The following SPAG9 variants were observed in gnomAD, a reference collection of about 807,000 sequenced individuals.
SPAG9 encodes sperm associated antigen 9.
Under a neutral mutation model 166.5 loss-of-function variants are expected in SPAG9, and 35 were observed. The observed-to-expected ratio is 0.21, with a 90% CI of 0.16 to 0.28. The LOEUF (loss-of-function observed/expected upper bound fraction) is 0.28. Among genes scored for constraint, SPAG9 ranks in the 10% least tolerant of loss-of-function variants. The probability of loss-of-function intolerance (pLI) is 1.00; values close to 1 mark genes in which losing one functional copy is unlikely to be tolerated. For missense variants in SPAG9, 1,235 were observed against 1,603.3 expected, an observed-to-expected ratio of 0.77 and a Z score of 3.92; for synonymous variants, 534 against 565.5, an observed-to-expected ratio of 0.94 and a Z score of 0.79.
chr17:51,053,907 T>C (rs1337180440), intron 3 of SPAG9, among the ~76,000 whole-genome samples: 1 of 99,352 alleles, frequency 1.0e-5, no homozygotes, highest in Non-Finnish European at 2.1e-5. Flanking sequence ...ATAAAACATA[T>C]ATGTATTTAT....
intron 1 of SPAG9, among the ~76,000 whole-genome samples, chr17:51,083,365 G>A (rs1191945399): frequency 6.6e-6 from 1 of 151,108 alleles, no homozygotes; most frequent in African/African-American, 2.4e-5. Flanking sequence ...TTCCCGCACA[G>A]CTGGGATTAC....
At chr17:50,974,278 G>A (rs930617554) in intron 28 of SPAG9, among the ~76,000 whole-genome samples, 6 of 152,262 alleles carry the variant, frequency 3.9e-5, no homozygotes, top group Admixed American at 1.3e-4. Flanking sequence ...CATCCACCTA[G>A]GAGTGAGGAA....
chr17:50,975,792 A>C (rs1974165675), intron 27 of SPAG9: 1 of 1,095,958 alleles, frequency 9.1e-7, no homozygotes, highest in South Asian at 1.3e-5. Flanking sequence ...GGTATTCTAG[A>C]GGAGTGGTAA....
At chr17:50,996,225 A>G in intron 16 of SPAG9, 1 of 211,720 alleles carries the variant, frequency 4.7e-6, no homozygotes. Context: ...TTCCATGCCA[A>G]TAATTTTTTC....
At chr17:51,118,572 C>T (rs1383605033) in intron 1 of SPAG9, among the ~76,000 whole-genome samples, 1 of 152,204 alleles carries the variant, frequency 6.6e-6, no homozygotes, top group African/African-American at 2.4e-5. Flanking sequence ...GGTTAATTCC[C>T]AGTCACTTCC....
rs2049456219 is a variant in SPAG9, at chr17:51,120,763, G to C, written c.-107C>G. The C allele has an allele frequency of 1.0e-6, 1 of 1,000,014 alleles. No homozygotes were observed. The highest frequency in any genetic ancestry group is 1.7e-5 in the African/African-American group (1 of 57,940). The allele number at this position is 1,000,014 out of a possible 1,614,324, so 61.9% of individuals were successfully genotyped here. On this transcript the variant is annotated 5_prime_UTR_variant, in exon 1 of 30. Coordinates refer to ENST00000262013, the MANE Select transcript of SPAG9 (RefSeq NM_001130528.3). This position sits in a 1 kb window ranked among gnomAD's most constrained non-coding sequence, Gnocchi z 4.7. ...GGCTGGGACGGGTACTAGGGCTGGA[G>C]CCCGGGCCGGGGCTGGGGCTGGGCC... is the stretch of plus-strand genomic sequence containing the variant.
chr17:51,036,437 C>A (rs1264758309), intron 5 of SPAG9, among the ~76,000 whole-genome samples: 2 of 152,160 alleles, frequency 1.3e-5, no homozygotes, highest in East Asian at 3.8e-4. Context: ...TCCCTTTGTG[C>A]CTCGACTTTC....
chr17:51,025,089 T>C (rs930760119), intron 6 of SPAG9, among the ~76,000 whole-genome samples: 2 of 149,764 alleles, frequency 1.3e-5, no homozygotes, highest in Non-Finnish European at 3.0e-5. Context: ...AAGGCCGAGA[T>C]AGGTGGATTA....
chr17:50,988,187 G>A (rs1406706756), intron 21 of SPAG9, among the ~76,000 whole-genome samples: 1 of 152,080 alleles, frequency 6.6e-6, no homozygotes, highest in Admixed American at 6.6e-5. Context: ...CTGCACTCCA[G>A]CCTGGGTGAC....
chr17:51,120,860 C>G lies in SPAG9; in HGVS notation c.-204G>C. 1 of 307,848 alleles carries G rather than the reference C, an allele frequency of 3.2e-6. No homozygotes were observed. Among genetic ancestry groups the G allele is most frequent in the Non-Finnish European group, 5.9e-6 (1 of 169,646 alleles). 19.1% of individuals were successfully genotyped at this position (307,848 alleles called of 1,614,324 possible). A position where few individuals can be genotyped will look rare whatever the true frequency, so the allele number is the denominator to read the frequency against. On this transcript the variant is annotated 5_prime_UTR_variant, in exon 1 of 30. Coordinates refer to ENST00000262013, the MANE Select transcript of SPAG9 (RefSeq NM_001130528.3). The surrounding 1 kb of genome is among the most constrained non-coding windows in gnomAD (Gnocchi z 4.7). ...CGCTCTCACCCCAACCGCCGCTGCA[C>G]CAACTGCCGGGGCGGCCCGGCCGCG...
chr17:51,013,013 G>T (rs979757653), intron 9 of SPAG9, among the ~76,000 whole-genome samples: 3 of 152,094 alleles, frequency 2.0e-5, no homozygotes, highest in African/African-American at 7.2e-5. Flanking sequence ...TTACAGGCGT[G>T]AGCCACTGCA....
chr17:50,975,687 G>C (rs1974156883), intron 27 of SPAG9, among the ~76,000 whole-genome samples: 2 of 151,560 alleles, frequency 1.3e-5, no homozygotes, highest in South Asian at 4.2e-4. Flanking sequence ...CTGCTGAGCA[G>C]TTTGGTGGCC....
chr17:51,083,538 C>CTTTAT (rs2048226004), intron 1 of SPAG9, among the ~76,000 whole-genome samples: 1 of 123,024 alleles, frequency 8.1e-6, no homozygotes, highest in South Asian at 2.6e-4. Context: ...CACACAGCCT[C>CTTTAT]TTTATTTTAT....
In SPAG9 at chr17:51,071,596, T is replaced by TA. The variant is rs571845736; in HGVS notation, c.424+7987dup. Reference sequence around the variant, plus strand: ...AAAATCAAACATGACCAAAAATTGTTAAAAAACATATTATAGACTCAACTT... The same window carrying TA: ...AAAATCAAACATGACCAAAAATTGTTAAAAAAACATATTATAGACTCAACTT... On this transcript the variant is annotated intron_variant, in intron 2 of 29. Transcript: ENST00000262013. Among the ~76,000 whole-genome samples, 22 of 152,314 alleles carry TA rather than the reference T, an allele frequency of 1.4e-4. No homozygotes were observed. In the South Asian group the frequency reaches 4.6e-3, roughly 32 times the overall value.
At chr17:51,058,679 C>T (rs2047423549) in intron 2 of SPAG9, among the ~76,000 whole-genome samples, 1 of 152,194 alleles carries the variant, frequency 6.6e-6, no homozygotes, top group Non-Finnish European at 1.5e-5. Context: ...AACTGCCAAG[C>T]AAAATGTGTA....
intron 25 of SPAG9, among the ~76,000 whole-genome samples, chr17:50,980,668 G>C (rs915200621): frequency 2.0e-5 from 3 of 151,900 alleles, no homozygotes; most frequent in Admixed American, 6.6e-5. Context: ...AGGAGTTTGA[G>C]ATCAGCCTGG....
intron 2 of SPAG9, among the ~76,000 whole-genome samples, chr17:51,079,210 T>C (rs1362279847): frequency 6.7e-6 from 1 of 148,406 alleles, no homozygotes; most frequent in African/African-American, 2.5e-5. Flanking sequence ...GGATGAGTCA[T>C]TGCACCATTA....
chr17:51,056,699 C>G (rs1022008744), intron 2 of SPAG9, among the ~76,000 whole-genome samples: 1 of 152,112 alleles, frequency 6.6e-6, no homozygotes, highest in South Asian at 2.1e-4. Context: ...TCTAATATTC[C>G]TATATTTATC....
chr17:51,029,725 T>C (rs1033739043), intron 6 of SPAG9, among the ~76,000 whole-genome samples: 8 of 152,186 alleles, frequency 5.3e-5, no homozygotes, highest in Non-Finnish European at 1.0e-4. Flanking sequence ...ATCAAATTCA[T>C]AGAAACATAA....
Sources: gnomAD v4.1 joint callset for allele counts (sites outside exome capture counted in the v4.1 genomes callset) on GRCh38, gnomAD v4.1.1 for gene constraint, Gnocchi (gnomAD v3.1) non-coding constraint, MANE v1.5 for transcripts, NCBI Gene and HGNC (gene_info 2026-07-23, HGNC 2026-07-21) for gene names.